Variants in ITLN2 observed in about 807,000 individuals in gnomAD.
The protein encoded by ITLN2 is intelectin 2.
Under a neutral mutation model 39.4 loss-of-function variants are expected in ITLN2, and 29 were observed. The observed-to-expected ratio is 0.74, with a 90% CI of 0.55 to 1.00. The LOEUF is 1.00. Among genes scored for constraint, ITLN2 ranks in the 50% least tolerant of loss-of-function variants. The pLI is 0.00. For missense variants in ITLN2, 412 were observed against 416.7 expected (o/e 0.99, Z 0.10); for synonymous variants, 156 against 153.4 (o/e 1.02, Z -0.12).
In ITLN2 at chr1:160,952,550, T is replaced by C. The variant is rs1671768415; in HGVS notation, c.193+70A>G. ...CCATATGGATATGTCCCTCCTGATT[T>C]CCATGACTGGGCTCTGTTGAGCTAA... is the stretch of plus-strand genomic sequence containing the variant. On this transcript the variant is annotated intron_variant, in intron 3 of 7. Transcript: ENST00000368029. 3.7e-6 allele frequency: 4 copies of C among 1,071,086 alleles called. No individual in the cohort carries two copies. The African/African-American group carries it at 4.7e-5, about 12-fold the overall frequency. The allele number at this position is 1,071,086 out of a possible 1,614,324, so 66.3% of individuals were successfully genotyped here.
intron 7 of ITLN2, among the ~76,000 whole-genome samples, chr1:160,947,029 C>T (rs1385825618): frequency 2.0e-5 from 3 of 152,178 alleles, no homozygotes; most frequent in South Asian, 4.1e-4. Context: ...GACCAGCACT[C>T]AGTATACGGA....
chr1:160,953,062 C>T (rs962850098), intron 2 of ITLN2, among the ~76,000 whole-genome samples: 1 of 152,158 alleles, frequency 6.6e-6, no homozygotes, highest in Non-Finnish European at 1.5e-5. Flanking sequence ...AACCCACTAA[C>T]GGGGGTGAGG....
chr1:160,948,812 T>C (rs972862204), intron 6 of ITLN2: 3 of 152,236 alleles, frequency 2.0e-5, no homozygotes, highest in Non-Finnish European at 4.4e-5. Flanking sequence ...ATGCACCTTT[T>C]CTTAACTATT....
Position 160,950,611 on chromosome 1 carries a change from T to C in ITLN2, c.542A>G (p.Tyr181Cys), listed in dbSNP as rs760416324. ...QHWRNSALLR[Y>C]RTNTGFLQRL... Reference sequence around the variant, plus strand: ...CTGGAGGAAGCCAGTGTTGGTGCGGTACCTCAGCAGGGCGCTGTTTCTCCA... The same window carrying C: ...CTGGAGGAAGCCAGTGTTGGTGCGGCACCTCAGCAGGGCGCTGTTTCTCCA... The change falls in exon 5 of 8, where the codon TAC (tyrosine) becomes TGC (cysteine). Residue 181 changes from tyrosine to cysteine, a missense_variant. Physicochemically the swap from Tyr to Cys is radical, Grantham distance 194. Transcript: ENST00000368029. The C allele has an allele frequency of 9.3e-6, 15 of 1,614,224 alleles. No individual in the cohort carries two copies. The highest frequency in any genetic ancestry group is 1.3e-5 in the African/African-American group (1 of 75,060).
chr1:160,947,675 A>G (rs1347466357), intron 7 of ITLN2, among the ~76,000 whole-genome samples: 1 of 152,212 alleles, frequency 6.6e-6, no homozygotes, highest in African/African-American at 2.4e-5. Flanking sequence ...ACTGCCTGCA[A>G]ACATATTGTT....
chr1:160,950,696 C>A lies in ITLN2; in HGVS notation c.457G>T (p.Asp153Tyr), dbSNP rs747282302. The A allele has an allele frequency of 6.2e-7, 1 of 1,613,070 alleles. No individual in the cohort carries two copies. Among genetic ancestry groups the A allele is most frequent in the African/African-American group, 1.3e-5 (1 of 74,908 alleles). ...ATGCCCAGGTCCTTGGCCTGGATGT[C>A]GTAGTAGCCAGGGTTCTGGAAAGCA... ...SDDYKNPGYY[D>Y]IQAKDLGIWH... The change falls in exon 5 of 8, where the codon GAC becomes TAC. Residue 153 changes from aspartate to tyrosine, a missense_variant. By Grantham distance (160) the Asp-to-Tyr change is radical. Coordinates refer to ENST00000368029, the MANE Select transcript of ITLN2 (RefSeq NM_080878.3).
intron 7 of ITLN2, among the ~76,000 whole-genome samples, chr1:160,946,581 TG>T (rs1318229562): frequency 8.6e-5 from 13 of 151,110 alleles, no homozygotes; most frequent in Non-Finnish European, 1.5e-4. Context: ...GGCGTGGTGG[TG>T]GGCCCCTGTA....
rs1358034320 is a variant in ITLN2, at chr1:160,951,177, G to C, written c.307C>G (p.Arg103Gly). Residue 103 changes from arginine (R) to glycine (G), a missense_variant, in exon 4 of 8, where the codon CGT becomes GGT. Arg to Gly is a moderately radical substitution (Grantham distance 125). Transcript: ENST00000368029. The part of the protein sequence containing the change: ...LVASVHENDM[R>G]GKCTVGDRWS... ...CGATCACCCACCGTGCACTTCCCAC[G>C]CATGTCATTCTCGTGCACGCTGGCC... 6.2e-7 allele frequency: 1 copy of C among 1,614,128 alleles called. No homozygotes were observed. The highest frequency in any genetic ancestry group is 8.5e-7 in the Non-Finnish European group (1 of 1,180,028).
At position 160,951,076 on chromosome 1, in the gene ITLN2, T is replaced by A. The variant is rs766728601; in HGVS notation, c.408A>T (p.Gly136=). 1.2e-6 allele frequency: 2 copies of A among 1,614,188 alleles called. No individual in the cohort carries two copies. Among genetic ancestry groups the A allele is most frequent in the East Asian group, 4.5e-5 (2 of 44,876 alleles). ...DGNWANYNTF[G]SAEAATSDDY... ...CATCGCTCGTGGCCGCCTCTGCAGA[T>A]CCAAAGGTGTTGTAGTTGGCCCAGT... Residue 136 remains glycine, a synonymous_variant, in exon 4 of 8, where the codon GGA becomes GGT. Coordinates refer to ENST00000368029, the MANE Select transcript of ITLN2 (RefSeq NM_080878.3).
At chr1:160,947,857 A>G in intron 7 of ITLN2, 72 bp downstream of exon 7, 1 of 1,061,276 alleles carries the variant, frequency 9.4e-7, no homozygotes, top group Non-Finnish European at 1.5e-6. Flanking sequence ...CCTTTTCTAC[A>G]TAGACACAGT....
At chr1:160,949,388 G>C (rs1434905995) in intron 6 of ITLN2, 1 of 152,448 alleles carries the variant, frequency 6.6e-6, no homozygotes, top group African/African-American at 2.4e-5. Context: ...GTCGGGCTGG[G>C]GGACAGTCAG....
chr1:160,952,727 G>A lies in ITLN2; in HGVS notation c.86C>T (p.Ala29Val), dbSNP rs1417963936. The A allele has an allele frequency of 1.2e-6, 2 of 1,611,978 alleles. No homozygotes were observed. The highest frequency in any genetic ancestry group is 1.7e-4 in the Middle Eastern group (1 of 5,896). Residue 29 changes from alanine to valine, a missense_variant, in exon 3 of 8, where the codon GCC (alanine) becomes GTC (valine). By Grantham distance (64) the Ala-to-Val change is moderately conservative (BLOSUM62 0). Coordinates refer to ENST00000368029, the MANE Select transcript of ITLN2 (RefSeq NM_080878.3). The part of the protein sequence containing the change: ...VATSGCSAAA[A>V]SSLEMLSREF... ...CCTCGAGAGCATCTCAAGAGAAGAG[G>A]CTGCTGCTAGAAAATGTGAGAATGA... is the stretch of plus-strand genomic sequence containing the variant.
intron 3 of ITLN2, among the ~76,000 whole-genome samples, chr1:160,951,872 C>G (rs185902532): frequency 1.3e-5 from 2 of 152,238 alleles, no homozygotes; most frequent in Non-Finnish European, 2.9e-5. Context: ...TTCTCACCCC[C>G]CTTCCCATCT....
In ITLN2 at chr1:160,953,263, C is replaced by T. The variant is rs142318140; in HGVS notation, c.80-530G>A. 1.4e-3 allele frequency among the ~76,000 whole-genome samples: 219 copies of T among 152,202 alleles called. 1 individual carries two copies. The highest frequency in any genetic ancestry group is 5.2e-3 in the African/African-American group (218 of 41,524). ...AGCCTGCCAAAAACTACAGGTCAGT[C>T]GCTTATTGTGGCTGGAACATATGTT... On this transcript the variant is annotated intron_variant, in intron 2 of 7. Coordinates refer to ENST00000368029, the MANE Select transcript of ITLN2 (RefSeq NM_080878.3).
Position 160,953,705 on chromosome 1 carries a change from C to CG in ITLN2, c.79+681dup, listed in dbSNP as rs1004171943. Among the ~76,000 whole-genome samples the CG allele has an allele frequency of 1.4e-3, 219 of 151,118 alleles. 1 individual carries two copies. The highest frequency in any genetic ancestry group is 5.1e-3 in the African/African-American group (209 of 41,156). On this transcript the variant is annotated intron_variant, in intron 2 of 7. Transcript: ENST00000368029. ...CAACCTGGGCAACAGAGCAAGACTC[C>CG]GTCTAAAAAAAAAAAAATTACAGGA...
intron 4 of ITLN2, 119 bp from the exon 5 acceptor site, chr1:160,950,830 C>T (rs1279721498): frequency 2.4e-5 from 36 of 1,483,044 alleles, no homozygotes; most frequent in African/African-American, 9.8e-5. Flanking sequence ...TGGCCAGCCA[C>T]GCTCAGACAC....
chr1:160,951,328 A>G, intron 3 of ITLN2, 38 bp from the exon 4 acceptor site: 1 of 1,536,062 alleles, frequency 6.5e-7, no homozygotes, highest in Non-Finnish European at 8.8e-7. Flanking sequence ...CCTGTCTGAG[A>G]GCTCAGGGTT....
At position 160,951,148 on chromosome 1, in the gene ITLN2, C is replaced by G; in HGVS notation, c.336G>C (p.Trp112Cys). The G allele has an allele frequency of 6.2e-7, 1 of 1,614,144 alleles. No homozygotes were observed. Among genetic ancestry groups the G allele is most frequent in the Non-Finnish European group, 8.5e-7 (1 of 1,180,044 alleles). ...CTGCTTTGTTGCCCTGCTGACTGGA[C>G]CAGCGATCACCCACCGTGCACTTCC... Reference protein sequence around the residue: ...MRGKCTVGDRWSSQQGNKADY... With the variant: ...MRGKCTVGDRCSSQQGNKADY... Residue 112 changes from tryptophan to cysteine, a missense_variant, in exon 4 of 8, where the codon TGG becomes TGC. Physicochemically the swap from Trp to Cys is radical, Grantham distance 215. Coordinates refer to ENST00000368029, the MANE Select transcript of ITLN2 (RefSeq NM_080878.3).
chr1:160,952,859 T>C, intron 2 of ITLN2, 126 bp from the exon 3 acceptor site: 1 of 667,930 alleles, frequency 1.5e-6, no homozygotes, highest in Non-Finnish European at 2.6e-6. Context: ...GGATTCCCTA[T>C]GCTAAGACGG....
Sources: allele counts gnomAD v4.1 joint callset (sites outside exome capture counted in the v4.1 genomes callset), GRCh38; gene constraint gnomAD v4.1.1; transcripts MANE v1.5; gene names NCBI Gene and HGNC (gene_info 2026-07-23, HGNC 2026-07-21).